The following LRMDA variants were observed in gnomAD, a reference collection of about 807,000 sequenced individuals.
LRMDA encodes the protein leucine rich melanocyte differentiation associated.
In LRMDA, 18 loss-of-function variants were observed where a neutral mutation model predicts 29.8. The ratio of observed to expected loss-of-function variants is 0.60; its 90% confidence interval spans 0.42 to 0.90. The LOEUF (loss-of-function observed/expected upper bound fraction) is 0.90. Ranked by LOEUF, LRMDA falls within the 40% of genes least tolerant of loss-of-function variation. The pLI is 0.00. For missense variants in LRMDA, 273 were observed against 273.9 expected, an observed-to-expected ratio of 1.00 and a Z score of 0.02; for synonymous variants, 125 against 109.4, an observed-to-expected ratio of 1.14 and a Z score of -0.89.
chr10:76,093,316 T>C (rs1010318871), intron 5 of LRMDA, among the ~76,000 whole-genome samples: 1 of 150,996 alleles, frequency 6.6e-6, no homozygotes, highest in African/African-American at 2.4e-5. Flanking sequence ...CAAGCCACCA[T>C]GCCCAGCCAA....
At chr10:75,938,623 T>C (rs958903143) in intron 2 of LRMDA, among the ~76,000 whole-genome samples, 25 of 152,218 alleles carry the variant, frequency 1.6e-4, no homozygotes, top group Admixed American at 3.3e-4. Context: ...CAGTGTGTTA[T>C]CTTTGTCTAT....
chr10:75,536,663 T>C (rs1050513409), intron 2 of LRMDA, among the ~76,000 whole-genome samples: 3 of 152,190 alleles, frequency 2.0e-5, no homozygotes, highest in Non-Finnish European at 2.9e-5. Flanking sequence ...TTCTGGGTTC[T>C]TGTCTCAGCC....
intron 5 of LRMDA, among the ~76,000 whole-genome samples, chr10:76,135,123 T>C (rs1358310615): frequency 1.3e-5 from 2 of 152,234 alleles, no homozygotes; most frequent in African/African-American, 4.8e-5. Flanking sequence ...AATGTTTTTA[T>C]AAAAATTTCA....
chr10:75,963,548 CA>C, intron 2 of LRMDA, among the ~76,000 whole-genome samples: 1 of 152,258 alleles, frequency 6.6e-6, no homozygotes, highest in South Asian at 2.1e-4. Context: ...GCAGTCTATG[CA>C]AAAGAAAGAT....
intron 2 of LRMDA, among the ~76,000 whole-genome samples, chr10:75,664,747 A>T (rs1249710918): frequency 6.6e-6 from 1 of 152,238 alleles, no homozygotes; most frequent in Non-Finnish European, 1.5e-5. Flanking sequence ...GATGAAAAAG[A>T]TTGAAGGCAT....
At chr10:76,031,382 C>T (rs995367239) in intron 2 of LRMDA, among the ~76,000 whole-genome samples, 9 of 152,218 alleles carry the variant, frequency 5.9e-5, no homozygotes, top group Non-Finnish European at 1.0e-4. Context: ...GAATACGAGT[C>T]TAGAGGCTGC....
chr10:76,389,492 C>A (rs909186826), intron 6 of LRMDA, among the ~76,000 whole-genome samples: 3 of 152,108 alleles, frequency 2.0e-5, no homozygotes, highest in African/African-American at 7.2e-5. Flanking sequence ...ACTTAAAATT[C>A]ACCATTTAAA....
intron 2 of LRMDA, among the ~76,000 whole-genome samples, chr10:75,704,374 A>T (rs945864946): frequency 1.3e-5 from 2 of 152,188 alleles, no homozygotes; most frequent in Non-Finnish European, 2.9e-5. Flanking sequence ...AAATGATTGC[A>T]TTATTATTTT....
intron 2 of LRMDA, among the ~76,000 whole-genome samples, chr10:75,564,177 GGGCTGCACCCAGTTGGAGCTTCCC>G (rs1167974859): frequency 1.8e-4 from 27 of 152,320 alleles, no homozygotes; most frequent in Middle Eastern, 3.4e-3. Flanking sequence ...GAGTTGTGGT[GGGCTGCACCCAGTTGGAGCTTCCC>G]GGCTGCTTTG....
At chr10:76,328,384 A>G (rs1471899528) in intron 6 of LRMDA, among the ~76,000 whole-genome samples, 2 of 152,212 alleles carry the variant, frequency 1.3e-5, no homozygotes, top group Non-Finnish European at 2.9e-5. Context: ...AATGTAAACT[A>G]TATCATCCTC....
chr10:76,361,256 C>T (rs1210755287), intron 6 of LRMDA, among the ~76,000 whole-genome samples: 1 of 141,602 alleles, frequency 7.1e-6, no homozygotes, highest in Non-Finnish European at 1.5e-5. Flanking sequence ...GCGAGACTGT[C>T]TCAAAAAAAA....
chr10:76,137,092 C>T (rs959269634), intron 5 of LRMDA, among the ~76,000 whole-genome samples: 12 of 152,308 alleles, frequency 7.9e-5, no homozygotes, highest in African/African-American at 2.6e-4. Context: ...AGAAGGGCCA[C>T]GCTCCACCGC....
intron 2 of LRMDA, among the ~76,000 whole-genome samples, chr10:75,946,087 G>A (rs998959940): frequency 3.9e-5 from 6 of 152,224 alleles, no homozygotes; most frequent in African/African-American, 1.4e-4. Context: ...CCTGCAAAGA[G>A]TGGGAAAGCA....
intron 2 of LRMDA, among the ~76,000 whole-genome samples, chr10:75,962,135 T>C (rs1846778915): frequency 6.6e-6 from 1 of 152,192 alleles, no homozygotes; most frequent in Non-Finnish European, 1.5e-5. Flanking sequence ...CATTCTGAGG[T>C]ACCAGGGGTT....
At chr10:75,611,617 A>G (rs1263480344) in intron 2 of LRMDA, among the ~76,000 whole-genome samples, 5 of 152,192 alleles carry the variant, frequency 3.3e-5, no homozygotes, top group Admixed American at 6.5e-5. Flanking sequence ...GAATGGATGC[A>G]TACAGGACTT....
chr10:75,771,010 G>A (rs1843233043), intron 2 of LRMDA, among the ~76,000 whole-genome samples: 1 of 152,078 alleles, frequency 6.6e-6, no homozygotes, highest in African/African-American at 2.4e-5. Context: ...GGTAATAGAC[G>A]CCTTGCCACT....
intron 5 of LRMDA, among the ~76,000 whole-genome samples, chr10:76,120,347 C>A (rs1267198901): frequency 3.3e-5 from 5 of 151,984 alleles, no homozygotes; most frequent in African/African-American, 1.2e-4. Context: ...TGCCACCACA[C>A]CGGGATAATT....
chr10:75,896,434 A>G (rs1845583557), intron 2 of LRMDA, among the ~76,000 whole-genome samples: 2 of 152,122 alleles, frequency 1.3e-5, no homozygotes, highest in African/African-American at 4.8e-5. Flanking sequence ...TTTTCTTTTA[A>G]TTGTGATTTT....
intron 2 of LRMDA, among the ~76,000 whole-genome samples, chr10:75,796,780 C>T (rs1843661135): frequency 2.0e-5 from 3 of 152,156 alleles, no homozygotes; most frequent in Admixed American, 6.5e-5. Context: ...GCCATGTTGG[C>T]CAGGCTTCTG....
Sources: allele counts gnomAD v4.1 joint callset (sites outside exome capture counted in the v4.1 genomes callset), GRCh38; gene constraint gnomAD v4.1.1; transcripts MANE v1.5; gene names NCBI Gene and HGNC (gene_info 2026-07-23, HGNC 2026-07-21).